Variants in ADGRB3 observed in about 807,000 individuals in gnomAD.
The protein encoded by ADGRB3 is brain-specific angiogenesis inhibitor 3.
In ADGRB3, 37 loss-of-function variants were observed where a neutral mutation model predicts 193.4. The ratio of observed to expected loss-of-function variants is 0.19; its 90% CI spans 0.15 to 0.25. The LOEUF (loss-of-function observed/expected upper bound fraction) is 0.25. Among genes scored for constraint, ADGRB3 ranks in the 10% least tolerant of loss-of-function variants. The pLI is 1.00. For synonymous variants in ADGRB3, 690 were observed against 644.2 expected, an observed-to-expected ratio of 1.07 and a Z score of -1.08; for missense variants, 1,637 against 1,852.9, an observed-to-expected ratio of 0.88 and a Z score of 2.14.
rs1211558171 is a variant in ADGRB3, at chr6:69,327,670, A to T, written c.2966-150A>T. 5.9e-6 allele frequency: 3 copies of T among 507,216 alleles called. No homozygotes were observed. In the African/African-American group the frequency reaches 5.9e-5, roughly 10 times the overall value. 31.4% of individuals were successfully genotyped at this position (507,216 alleles called of 1,614,324 possible). ...CTCTCATATTTTTCAACTTGAAAGA[A>T]ATCCTGTAATAGAAACATACCTTGT... On this transcript the variant is annotated intron_variant, in intron 21 of 31. Coordinates refer to ENST00000370598, the MANE Select transcript of ADGRB3 (RefSeq NM_001704.3).
intron 10 of ADGRB3, among the ~76,000 whole-genome samples, chr6:68,986,766 T>C (rs575388422): frequency 6.6e-6 from 1 of 152,316 alleles, no homozygotes; most frequent in Admixed American, 6.5e-5. Flanking sequence ...ACCTTGCAGA[T>C]GGGCTGTAGG....
At chr6:69,133,199 A>G (rs968883648) in intron 17 of ADGRB3, among the ~76,000 whole-genome samples, 2 of 152,094 alleles carry the variant, frequency 1.3e-5, no homozygotes, top group Non-Finnish European at 1.5e-5. Context: ...CATTGAATCT[A>G]TAAATTACTT....
chr6:68,721,560 G>T (rs1038645099), intron 3 of ADGRB3, among the ~76,000 whole-genome samples: 9 of 150,062 alleles, frequency 6.0e-5, no homozygotes, highest in Non-Finnish European at 1.0e-4. Context: ...CACCAACGTG[G>T]CACATGTATA....
At position 69,204,939 on chromosome 6, in the gene ADGRB3, A is replaced by C. The variant is rs953582477; in HGVS notation, c.2481-28351A>C. 3.3e-5 allele frequency among the ~76,000 whole-genome samples: 5 copies of C among 152,310 alleles called. No homozygotes were observed. In the South Asian group the frequency reaches 1.0e-3, roughly 32 times the overall value. On this transcript the variant is annotated intron_variant, in intron 17 of 31. Transcript: ENST00000370598. ...ATAGGATTTTCAATTTCTGAAAATC[A>C]TACTGTGCCTGTTAAGACATTCCTA...
chr6:68,813,134 A>G (rs1236368459), intron 3 of ADGRB3, among the ~76,000 whole-genome samples: 2 of 152,042 alleles, frequency 1.3e-5, no homozygotes, highest in Admixed American at 1.3e-4. Flanking sequence ...TATTCTTGTG[A>G]TAGTAAATAA....
At chr6:68,809,307 T>C (rs184472708) in intron 3 of ADGRB3, among the ~76,000 whole-genome samples, 15 of 152,286 alleles carry the variant, frequency 9.8e-5, no homozygotes, top group Admixed American at 9.8e-4. Flanking sequence ...ATAATTAAGG[T>C]GCATAGGTAT....
At chr6:68,977,510 A>G (rs1026139396) in intron 10 of ADGRB3, among the ~76,000 whole-genome samples, 1 of 152,188 alleles carries the variant, frequency 6.6e-6, no homozygotes, top group African/African-American at 2.4e-5. Flanking sequence ...CAACATTTAA[A>G]TGGGGTTTCA....
rs7752420 is a variant in ADGRB3, at chr6:69,372,368, T to C, written c.4240-38T>C. 2.1e-4 allele frequency: 256 copies of C among 1,196,154 alleles called. No individual in the cohort carries two copies. The African/African-American group carries it at 3.4e-3, about 16-fold the overall frequency. 74.1% of individuals were successfully genotyped at this position (1,196,154 alleles called of 1,614,324 possible). On this transcript the variant is annotated intron_variant, in intron 29 of 31. Coordinates refer to ENST00000370598, the MANE Select transcript of ADGRB3 (RefSeq NM_001704.3). ...GTTTGAATGACTAAACATAACTTTA[T>C]TGGTTTTTCTCCTTCTTTTTAAAAA...
At chr6:69,012,596 G>T (rs974377474) in intron 11 of ADGRB3, among the ~76,000 whole-genome samples, 3 of 151,926 alleles carry the variant, frequency 2.0e-5, no homozygotes, top group African/African-American at 4.8e-5. Context: ...TTGAAAAACG[G>T]GTCTAAAACA....
At chr6:69,191,920 G>T (rs1021826993) in intron 17 of ADGRB3, among the ~76,000 whole-genome samples, 6 of 152,176 alleles carry the variant, frequency 3.9e-5, no homozygotes, top group Non-Finnish European at 8.8e-5. Flanking sequence ...GACTGTTTAT[G>T]TAATTCTAGA....
intron 3 of ADGRB3, among the ~76,000 whole-genome samples, chr6:68,862,195 C>T (rs1476989345): frequency 2.0e-5 from 3 of 150,458 alleles, no homozygotes; most frequent in African/African-American, 7.3e-5. Flanking sequence ...CACCATTACT[C>T]CTTTCAAAGA....
chr6:69,268,268 A>AATTATT (rs1171046983), intron 20 of ADGRB3, among the ~76,000 whole-genome samples: 1 of 152,154 alleles, frequency 6.6e-6, no homozygotes, highest in African/African-American at 2.4e-5. Context: ...TATAATTTTG[A>AATTATT]AATCCAAGTT....
At chr6:68,916,841 G>A (rs1324955965) in intron 3 of ADGRB3, among the ~76,000 whole-genome samples, 1 of 152,194 alleles carries the variant, frequency 6.6e-6, no homozygotes, top group Admixed American at 6.5e-5. Context: ...TGAAGGTGTA[G>A]GCTGGGGCAG....
intron 29 of ADGRB3, among the ~76,000 whole-genome samples, chr6:69,363,529 C>A (rs2127334195): frequency 6.6e-6 from 1 of 152,056 alleles, no homozygotes; most frequent in African/African-American, 2.4e-5. Flanking sequence ...GTCATTTGTT[C>A]AAGGTTATAG....
chr6:69,331,649 C>A, intron 23 of ADGRB3: 1 of 985,348 alleles, frequency 1.0e-6, no homozygotes, highest in Non-Finnish European at 1.2e-6. Context: ...CTATTAGACA[C>A]CTTTTTTGTC....
Position 68,956,527 on chromosome 6 carries a change from G to T in ADGRB3, c.1361-118G>T, listed in dbSNP as rs1305423745. 12 of 1,257,360 alleles carry T rather than the reference G, an allele frequency of 9.5e-6. No individual in the cohort carries two copies. In the East Asian group the frequency reaches 2.3e-4, roughly 24 times the overall value. The allele number at this position is 1,257,360 out of a possible 1,614,324, so 77.9% of individuals were successfully genotyped here. A position where few individuals can be genotyped will look rare whatever the true frequency, so the allele number is the denominator to read the frequency against. ...CCTGTAAGTTAAATATTTGAATAAG[G>T]TTTATTCACAGTAGTAGATTAACAA... On this transcript the variant is annotated intron_variant, in intron 7 of 31. Coordinates refer to ENST00000370598, the MANE Select transcript of ADGRB3 (RefSeq NM_001704.3).
At chr6:69,388,107 T>A (rs911194648) in intron 31 of ADGRB3, among the ~76,000 whole-genome samples, 8 of 51,170 alleles carry the variant, frequency 1.6e-4, no homozygotes, top group Non-Finnish European at 2.9e-4. Flanking sequence ...TTAAATTTTA[T>A]CTCATAATTA....
At chr6:68,969,871 T>C (rs929333395) in intron 8 of ADGRB3, among the ~76,000 whole-genome samples, 4 of 152,358 alleles carry the variant, frequency 2.6e-5, no homozygotes, top group African/African-American at 9.6e-5. Flanking sequence ...AGGCAAACTA[T>C]CTTAAAATTT....
chr6:69,031,457 T>A (rs942334291), intron 13 of ADGRB3, among the ~76,000 whole-genome samples: 11 of 131,436 alleles, frequency 8.4e-5, no homozygotes, highest in African/African-American at 3.3e-4. Flanking sequence ...AAAAAAAAAA[T>A]TCTAGAGTTT....
Sources: allele counts gnomAD v4.1 joint callset (sites outside exome capture counted in the v4.1 genomes callset), GRCh38; gene constraint gnomAD v4.1.1; transcripts MANE v1.5; gene names NCBI Gene and HGNC (gene_info 2026-07-23, HGNC 2026-07-21).